TMEM131: variants seen among roughly 807,000 people sequenced by gnomAD.
TMEM131 encodes the protein transmembrane protein 131, also known as 2610524E03Rik.
A neutral mutation model predicts 211.6 loss-of-function variants in TMEM131; 66 were observed. That is an observed-to-expected ratio of 0.31 (90% CI 0.26 to 0.38). TMEM131 has a LOEUF of 0.38. Ranked by LOEUF, TMEM131 falls within the 10% of genes least tolerant of loss-of-function variation. The pLI is 1.00. For missense variants in TMEM131, 2,036 were observed against 2,299.3 expected (o/e 0.89, Z 2.34); for synonymous variants, 844 against 841.3 (o/e 1.00, Z -0.06).
chr2:97,897,964 C>T (rs1675686154), intron 3 of TMEM131, among the ~76,000 whole-genome samples: 1 of 152,088 alleles, frequency 6.6e-6, no homozygotes, highest in South Asian at 2.1e-4. Flanking sequence ...AAGTATTTGA[C>T]CACTTCATCT....
chr2:97,878,677 T>A (rs1674795586), intron 4 of TMEM131, among the ~76,000 whole-genome samples: 2 of 151,936 alleles, frequency 1.3e-5, no homozygotes, highest in African/African-American at 4.8e-5. Flanking sequence ...GGGGGGAACA[T>A]CATACACCAG....
chr2:97,846,910 G>A (rs542922992), intron 5 of TMEM131, among the ~76,000 whole-genome samples: 1 of 152,196 alleles, frequency 6.6e-6, no homozygotes, highest in Non-Finnish European at 1.5e-5. Context: ...GGCCGGCGCG[G>A]TGGCTCACGC....
intron 1 of TMEM131, among the ~76,000 whole-genome samples, chr2:97,992,184 G>C (rs145778086): frequency 6.6e-6 from 1 of 152,258 alleles, no homozygotes; most frequent in East Asian, 1.9e-4. Flanking sequence ...ACATTATCGA[G>C]TAATAAGTAG....
At chr2:97,993,384 C>T (rs2104690999) in intron 1 of TMEM131, among the ~76,000 whole-genome samples, 1 of 152,288 alleles carries the variant, frequency 6.6e-6, no homozygotes, top group African/African-American at 2.4e-5. Context: ...TCATCAGATG[C>T]CAGACTCACA....
At chr2:97,842,568 G>C (rs1047442841) in intron 6 of TMEM131, among the ~76,000 whole-genome samples, 1 of 152,120 alleles carries the variant, frequency 6.6e-6, no homozygotes, top group Non-Finnish European at 1.5e-5. Context: ...TGTTGGGGGA[G>C]AGTGGAGGGC....
At chr2:97,912,300 T>C (rs913099001) in intron 2 of TMEM131, among the ~76,000 whole-genome samples, 2 of 152,060 alleles carry the variant, frequency 1.3e-5, no homozygotes, top group African/African-American at 2.4e-5. Flanking sequence ...GAAAAATAAA[T>C]GGCCAATAAC....
rs768704905 is a variant in TMEM131 at position 97,760,841 on chromosome 2, C to T, written c.4963G>A (p.Gly1655Ser). 4.3e-6 allele frequency: 7 copies of T among 1,613,912 alleles called. No homozygotes were observed. The highest frequency in any genetic ancestry group is 1.3e-5 in the African/African-American group (1 of 74,942). The stretch of plus-strand genomic sequence containing the variant: ...GTGACTGCAGCAAAAGTGGGGTTGC[C>T]GTTCTTGCCCGGGAGCGAGGCTGCC... The part of the protein sequence containing the change: ...TKAASLPGKN[G>S]NPTFAAVTAG... The change falls in exon 37 of 41, where the codon GGC (glycine) becomes AGC (serine). Residue 1655 changes from glycine (G) to serine (S), a missense_variant. Gly to Ser is a moderately conservative substitution (Grantham distance 56). Around this residue, in one of 3 missense-constraint regions of TMEM131, gnomAD observed 1,623 missense variants for 1,805.9 expected, o/e 0.90. Coordinates refer to ENST00000186436, the MANE Select transcript of TMEM131 (RefSeq NM_015348.2).
At chr2:97,992,601 C>T (rs1011164537) in intron 1 of TMEM131, among the ~76,000 whole-genome samples, 3 of 152,100 alleles carry the variant, frequency 2.0e-5, no homozygotes, top group Non-Finnish European at 4.4e-5. Context: ...CAAAAACCCA[C>T]TTCACAATGA....
At chr2:97,971,275 C>A (rs993451352) in intron 1 of TMEM131, among the ~76,000 whole-genome samples, 5 of 152,118 alleles carry the variant, frequency 3.3e-5, no homozygotes, top group Non-Finnish European at 7.3e-5. Flanking sequence ...GGATGACACA[C>A]TGAAGTCCTG....
intron 4 of TMEM131, among the ~76,000 whole-genome samples, chr2:97,864,422 T>C (rs1265953330): frequency 6.6e-6 from 1 of 152,216 alleles, no homozygotes; most frequent in East Asian, 1.9e-4. Context: ...ACTGAGGTGA[T>C]GACTATCCCA....
intron 3 of TMEM131, among the ~76,000 whole-genome samples, chr2:97,906,851 G>C (rs980720595): frequency 6.6e-6 from 1 of 152,148 alleles, no homozygotes; most frequent in African/African-American, 2.4e-5. Context: ...CAGAGTTTGA[G>C]AGCATCATAA....
intron 4 of TMEM131, among the ~76,000 whole-genome samples, chr2:97,881,646 A>G (rs1255677316): frequency 7.0e-6 from 1 of 142,936 alleles, no homozygotes; most frequent in Admixed American, 7.3e-5. Context: ...ATTACAACTG[A>G]CTTATCAAGA....
chr2:97,851,241 TG>T (rs1673613946), intron 5 of TMEM131, among the ~76,000 whole-genome samples: 1 of 152,088 alleles, frequency 6.6e-6, no homozygotes, highest in Non-Finnish European at 1.5e-5. Context: ...CACCTCCTCT[TG>T]GATATCTAGG....
chr2:97,860,096 CTT>C, intron 4 of TMEM131, among the ~76,000 whole-genome samples: 1 of 152,318 alleles, frequency 6.6e-6, no homozygotes, highest in East Asian at 1.9e-4. Context: ...AGAAGTGAAA[CTT>C]TATTCTATAG....
At chr2:97,849,996 G>A (rs538072028) in intron 5 of TMEM131, among the ~76,000 whole-genome samples, 36 of 151,806 alleles carry the variant, frequency 2.4e-4, no homozygotes, top group African/African-American at 7.7e-4. Context: ...TAATTCTACA[G>A]AATCATATGA....
At chr2:97,786,273 G>T (rs887597842) in intron 31 of TMEM131, among the ~76,000 whole-genome samples, 1 of 152,172 alleles carries the variant, frequency 6.6e-6, no homozygotes, top group Non-Finnish European at 1.5e-5. Flanking sequence ...GGCCAGATAC[G>T]ATGTGGCTCA....
At chr2:97,987,993 T>C (rs1483486928) in intron 1 of TMEM131, among the ~76,000 whole-genome samples, 1 of 152,142 alleles carries the variant, frequency 6.6e-6, no homozygotes, top group East Asian at 1.9e-4. Context: ...GGACCCCAAA[T>C]AGCCAAAATA....
At chr2:97,837,260 C>A in intron 7 of TMEM131, 103 bp from the exon 8 acceptor site, 1 of 794,048 alleles carries the variant, frequency 1.3e-6, no homozygotes, top group Admixed American at 3.1e-5. Flanking sequence ...CTGTTTATCA[C>A]AAAACATTTA....
chr2:97,823,662 A>G (rs1187042085), intron 11 of TMEM131, among the ~76,000 whole-genome samples: 1 of 152,202 alleles, frequency 6.6e-6, no homozygotes, highest in Non-Finnish European at 1.5e-5. Flanking sequence ...AGTTGTAAAC[A>G]TCTGCTGACC....
Sources: gnomAD v4.1 joint callset for allele counts (sites outside exome capture counted in the v4.1 genomes callset) on GRCh38, gnomAD v4.1.1 for gene constraint, gnomAD v4.1.1 regional missense constraint, MANE v1.5 for transcripts, NCBI Gene and HGNC (gene_info 2026-07-23, HGNC 2026-07-21) for gene names.